SPAG16: variants seen among roughly 807,000 people sequenced by gnomAD.
The protein encoded by SPAG16 is sperm associated antigen 16.
SPAG16 carries 86 observed loss-of-function variants against 80.4 expected under a neutral mutation model. That is an observed-to-expected ratio of 1.07 (90% CI 0.90 to 1.28). The LOEUF (loss-of-function observed/expected upper bound fraction) is 1.28, where lower values mean the gene tolerates loss of function less well. Ranked by LOEUF, SPAG16 falls within the 50% of genes most tolerant of loss-of-function variation. The pLI, the probability that SPAG16 is intolerant of heterozygous loss-of-function variation, is 0.00. For synonymous variants in SPAG16, 294 were observed against 265.9 expected (o/e 1.11, Z -1.03); for missense variants, 870 against 765.3 (o/e 1.14, Z -1.61).
intron 10 of SPAG16, among the ~76,000 whole-genome samples, chr2:213,770,657 C>T (rs963780964): frequency 2.6e-5 from 4 of 152,074 alleles, no homozygotes; most frequent in Non-Finnish European, 5.9e-5. Flanking sequence ...TATTCATCTC[C>T]TTGTGTTCAT....
chr2:213,932,199 T>TA (rs1559602689), intron 12 of SPAG16, among the ~76,000 whole-genome samples: 1 of 136,974 alleles, frequency 7.3e-6, no homozygotes, highest in Non-Finnish European at 1.5e-5. Context: ...TATATATATA[T>TA]TTGTTGTTGT....
intron 10 of SPAG16, among the ~76,000 whole-genome samples, chr2:213,860,436 T>TG (rs200245977): frequency 7.3e-6 from 1 of 136,904 alleles, no homozygotes; most frequent in Non-Finnish European, 1.6e-5. Context: ...TATCTATATA[T>TG]TTATAGATAT....
intron 15 of SPAG16, among the ~76,000 whole-genome samples, chr2:214,199,475 A>G (rs1258252488): frequency 2.0e-5 from 3 of 152,046 alleles, no homozygotes; most frequent in Non-Finnish European, 4.4e-5. Flanking sequence ...CTATTTTTAT[A>G]CCAGTATCAT....
chr2:213,622,473 A>G (rs559472428), intron 10 of SPAG16, among the ~76,000 whole-genome samples: 212 of 152,298 alleles, frequency 1.4e-3, no homozygotes, highest in Middle Eastern at 6.8e-3. Flanking sequence ...TGGATTTGAG[A>G]ATGAGCTCCC....
intron 15 of SPAG16, among the ~76,000 whole-genome samples, chr2:214,163,715 A>G (rs1237552502): frequency 6.6e-6 from 1 of 151,874 alleles, no homozygotes; most frequent in Non-Finnish European, 1.5e-5. Flanking sequence ...GGGGCTGGCA[A>G]TTGTGAATTC....
intron 10 of SPAG16, among the ~76,000 whole-genome samples, chr2:213,527,358 G>A (rs910433228): frequency 3.3e-5 from 5 of 152,122 alleles, no homozygotes; most frequent in Admixed American, 1.3e-4. Flanking sequence ...CATATGCTTT[G>A]CAGCTTCTAA....
intron 15 of SPAG16, among the ~76,000 whole-genome samples, chr2:214,407,689 A>C (rs1223482735): frequency 6.6e-6 from 1 of 152,144 alleles, no homozygotes; most frequent in East Asian, 1.9e-4. Flanking sequence ...CAGTAATGAG[A>C]CTATGGCATT....
rs867434488 is a variant in SPAG16, at chr2:213,487,592, C to G, written c.943-2371C>G. ...TTGTTTTTACTAGGGTTTTGCCGCT[C>G]TCGATGTAAATCTTTTTTTAAATAG... On this transcript the variant is annotated intron_variant, in intron 9 of 15. Transcript: ENST00000331683. Among the ~76,000 whole-genome samples the G allele has an allele frequency of 5.9e-5, 9 of 152,074 alleles. No individual in the cohort carries two copies. The Middle Eastern group carries it at 0.024, about 402-fold the overall frequency.
chr2:213,465,362 C>T (rs568378219), intron 9 of SPAG16, among the ~76,000 whole-genome samples: 1 of 152,310 alleles, frequency 6.6e-6, no homozygotes, highest in South Asian at 2.1e-4. Context: ...AGGATGACTA[C>T]TGTGTATTCT....
chr2:214,111,407 T>C (rs1389514830), intron 14 of SPAG16, among the ~76,000 whole-genome samples: 5 of 152,210 alleles, frequency 3.3e-5, no homozygotes, highest in Non-Finnish European at 7.3e-5. Context: ...CCATTTCTTG[T>C]TTTTGTCAGA....
At chr2:213,419,941 CT>C (rs2069489505) in intron 9 of SPAG16, among the ~76,000 whole-genome samples, 1 of 152,180 alleles carries the variant, frequency 6.6e-6, no homozygotes, top group Non-Finnish European at 1.5e-5. Context: ...AGTTATCTCC[CT>C]TTTCCTCAAG....
At chr2:213,766,933 C>A (rs1221879307) in intron 10 of SPAG16, among the ~76,000 whole-genome samples, 1 of 152,158 alleles carries the variant, frequency 6.6e-6, no homozygotes, top group Non-Finnish European at 1.5e-5. Context: ...TCCTGCGAGG[C>A]CTGCCGGGTA....
intron 15 of SPAG16, among the ~76,000 whole-genome samples, chr2:214,339,999 C>A (rs963643467): frequency 6.6e-6 from 1 of 152,150 alleles, no homozygotes; most frequent in African/African-American, 2.4e-5. Flanking sequence ...TCCTGACCCA[C>A]AGAAACTGCA....
chr2:213,662,389 A>C (rs1454463476), intron 10 of SPAG16, among the ~76,000 whole-genome samples: 1 of 152,150 alleles, frequency 6.6e-6, no homozygotes, highest in East Asian at 1.9e-4. Flanking sequence ...GTGTGGAAAA[A>C]ACGAAAGGCA....
intron 10 of SPAG16, among the ~76,000 whole-genome samples, chr2:213,573,157 A>C (rs1330483432): frequency 6.6e-6 from 1 of 152,048 alleles, no homozygotes; most frequent in East Asian, 1.9e-4. Flanking sequence ...TAGTGAGATG[A>C]ACCCGGTACC....
At chr2:213,553,893 C>T (rs909957025) in intron 10 of SPAG16, among the ~76,000 whole-genome samples, 4 of 152,192 alleles carry the variant, frequency 2.6e-5, no homozygotes, top group African/African-American at 7.2e-5. Flanking sequence ...GACTCCTCTG[C>T]TGCTTTACAA....
intron 10 of SPAG16, among the ~76,000 whole-genome samples, chr2:213,526,681 A>G (rs1400611879): frequency 6.6e-6 from 1 of 152,226 alleles, no homozygotes; most frequent in Non-Finnish European, 1.5e-5. Flanking sequence ...TGCATTCTCC[A>G]TCAGCTTTAG....
At chr2:213,611,851 TA>T (rs920016192) in intron 10 of SPAG16, among the ~76,000 whole-genome samples, 7 of 152,062 alleles carry the variant, frequency 4.6e-5, no homozygotes, top group African/African-American at 1.7e-4. Context: ...TTTATTTACT[TA>T]AAAAAAATTA....
intron 1 of SPAG16, among the ~76,000 whole-genome samples, chr2:213,286,492 A>G (rs1223556859): frequency 6.6e-6 from 1 of 152,172 alleles, no homozygotes; most frequent in Non-Finnish European, 1.5e-5. Context: ...TGCCTGTGTA[A>G]TGTTGTTTGA....
Sources: allele counts gnomAD v4.1 joint callset (sites outside exome capture counted in the v4.1 genomes callset), GRCh38; gene constraint gnomAD v4.1.1; transcripts MANE v1.5; gene names NCBI Gene and HGNC (gene_info 2026-07-23, HGNC 2026-07-21).